The following GATAD2A variants were observed in gnomAD, a reference collection of about 807,000 sequenced individuals.
GATAD2A encodes GATA zinc finger domain containing 2A.
Under a neutral mutation model 68.5 loss-of-function variants are expected in GATAD2A, and 12 were observed. The observed-to-expected ratio is 0.18, with a 90% CI of 0.11 to 0.28. The LOEUF (loss-of-function observed/expected upper bound fraction) is 0.28. Ranked by LOEUF, GATAD2A falls within the 10% of genes least tolerant of loss-of-function variation. The pLI is 1.00. For missense variants in GATAD2A, 755 were observed against 868.5 expected, an observed-to-expected ratio of 0.87 and a Z score of 1.64; for synonymous variants, 410 against 375.3, an observed-to-expected ratio of 1.09 and a Z score of -1.07.
intron 2 of GATAD2A, among the ~76,000 whole-genome samples, chr19:19,480,056 C>G (rs897934208): frequency 1.3e-5 from 2 of 151,986 alleles, no homozygotes; most frequent in Admixed American, 6.6e-5. Context: ...ATCCACCCGC[C>G]TCGGCTCCCA....
intron 2 of GATAD2A, among the ~76,000 whole-genome samples, chr19:19,477,559 G>A (rs988200210): frequency 7.9e-5 from 12 of 152,146 alleles, no homozygotes; most frequent in Non-Finnish European, 1.3e-4. Context: ...ATGGTGCACC[G>A]GGTGCAGGGG....
intron 1 of GATAD2A, among the ~76,000 whole-genome samples, chr19:19,411,392 GA>G (rs1462484362): frequency 2.0e-5 from 3 of 152,234 alleles, no homozygotes; most frequent in Admixed American, 2.0e-4. Context: ...TGTGAGATGG[GA>G]AGCTGTTTGC....
chr19:19,465,112 G>A (rs976251160), intron 1 of GATAD2A: 5 of 589,940 alleles, frequency 8.5e-6, no homozygotes, highest in African/African-American at 5.6e-5. Flanking sequence ...CTCCACCAAT[G>A]TTCAGCCACA....
At chr19:19,424,658 C>CCA (rs1471446183) in intron 1 of GATAD2A, among the ~76,000 whole-genome samples, 6 of 152,148 alleles carry the variant, frequency 3.9e-5, no homozygotes, top group Non-Finnish European at 7.4e-5. Context: ...CAGGCATGAG[C>CCA]CATCATGCCT....
chr19:19,422,772 C>T (rs1294801729), intron 1 of GATAD2A, among the ~76,000 whole-genome samples: 10 of 150,396 alleles, frequency 6.6e-5, no homozygotes, highest in Admixed American at 4.6e-4. Flanking sequence ...AGTGCAGTGA[C>T]GCGATCTTGG....
rs536830128 is a variant in GATAD2A at position 19,453,715 on chromosome 19, C to T, written c.-6-11625C>T. Among the ~76,000 whole-genome samples, 9 of 148,646 alleles carry T rather than the reference C, an allele frequency of 6.1e-5. No individual in the cohort carries two copies. In the South Asian group the frequency reaches 6.4e-4, roughly 11 times the overall value. ...TTTTTGAGACGGAGTCTTGCTCCGTCGCCCAGGCTGGAGCGCAGTGGAGCA... is the reference window on the plus strand; with the variant it reads ...TTTTTGAGACGGAGTCTTGCTCCGTTGCCCAGGCTGGAGCGCAGTGGAGCA... On this transcript the variant is annotated intron_variant, in intron 1 of 11. Transcript: ENST00000683918.
chr19:19,504,657 T>C (rs1322866181), intron 11 of GATAD2A, among the ~76,000 whole-genome samples: 5 of 137,462 alleles, frequency 3.6e-5, no homozygotes, highest in African/African-American at 1.5e-4. Context: ...TTTTTTTTTT[T>C]CTTCTTTTGG....
chr19:19,502,423 G>T lies in GATAD2A; in HGVS notation c.1671G>T (p.Ser557=), dbSNP rs370365800. The change falls in exon 11 of 12, where the codon TCG becomes TCT. Residue 557 remains serine, a synonymous_variant. Coordinates refer to ENST00000683918, the MANE Select transcript of GATAD2A (RefSeq NM_001384528.1). ...SPSPKLQNSA[S]ATALVSRTGR... ...CACCCAAACTGCAGAACTCAGCCTC[G>T]GCCACAGCCCTGGTCAGCAGGACCG... The T allele has an allele frequency of 1.2e-6, 2 of 1,613,746 alleles. No individual in the cohort carries two copies. Among genetic ancestry groups the T allele is most frequent in the South Asian group, 1.1e-5 (1 of 91,082 alleles).
chr19:19,416,204 G>T (rs2051618915), intron 1 of GATAD2A, among the ~76,000 whole-genome samples: 1 of 152,214 alleles, frequency 6.6e-6, no homozygotes, highest in South Asian at 2.1e-4. Flanking sequence ...ACATGGAAAT[G>T]GGAGGAGCCA....
chr19:19,460,102 A>G (rs556482312), intron 1 of GATAD2A, among the ~76,000 whole-genome samples: 2 of 152,234 alleles, frequency 1.3e-5, no homozygotes, highest in South Asian at 2.1e-4. Flanking sequence ...TGGCCCACCT[A>G]TTCTCTCCTT....
rs1018935688 is a variant in GATAD2A, at chr19:19,422,323, T to C, written c.-7+16304T>C. 4.0e-4 allele frequency among the ~76,000 whole-genome samples: 61 copies of C among 152,314 alleles called. No individual in the cohort carries two copies. In the Middle Eastern group the frequency reaches 0.031, roughly 76 times the overall value. Reference sequence around the variant, plus strand: ...TTTGGCCTTTGCTATCTGGCTCCTCTTGGAGCAGGGTTCCCCAGGTGCCAG... The same window carrying C: ...TTTGGCCTTTGCTATCTGGCTCCTCCTGGAGCAGGGTTCCCCAGGTGCCAG... On this transcript the variant is annotated intron_variant, in intron 1 of 11. Transcript: ENST00000683918.
At chr19:19,387,481 G>A (rs1424607524) in intron 1 of GATAD2A, among the ~76,000 whole-genome samples, 5 of 151,986 alleles carry the variant, frequency 3.3e-5, no homozygotes, top group African/African-American at 9.7e-5. Context: ...CACCATGCCT[G>A]GCTAATTTTT....
At position 19,492,710 on chromosome 19, in the gene GATAD2A, A is replaced by G; in HGVS notation, c.532A>G (p.Lys178Glu). Residue 178 changes from lysine to glutamate, a missense_variant and splice_region_variant, in exon 4 of 12, where the codon AAG becomes GAG. Physicochemically the swap from Lys to Glu is moderately conservative, Grantham distance 56. Transcript: ENST00000683918. ...AATACAAAAGGAAGCCACCGCCCAGAAGGTGCGTGCCTGTCTCCCCTCCTT... is the reference window on the plus strand; with the variant it reads ...AATACAAAAGGAAGCCACCGCCCAGGAGGTGCGTGCCTGTCTCCCCTCCTT... The part of the protein sequence containing the change: ...SQIQKEATAQ[K>E]PTGSVGSTVT... 1 of 1,614,094 alleles carries G rather than the reference A, an allele frequency of 6.2e-7. No individual in the cohort carries two copies. The highest frequency in any genetic ancestry group is 8.5e-7 in the Non-Finnish European group (1 of 1,180,006).
chr19:19,412,633 G>T (rs180977918), intron 1 of GATAD2A, among the ~76,000 whole-genome samples: 5 of 151,436 alleles, frequency 3.3e-5, no homozygotes, highest in African/African-American at 9.7e-5. Context: ...CTCTGTCTGC[G>T]GGGGGGATAA....
At chr19:19,413,589 T>G (rs2051222785) in intron 1 of GATAD2A, among the ~76,000 whole-genome samples, 1 of 152,072 alleles carries the variant, frequency 6.6e-6, no homozygotes, top group Non-Finnish European at 1.5e-5. Context: ...TGTTTTTGTT[T>G]TTGTTTTTTT....
intron 1 of GATAD2A, chr19:19,464,599 T>A (rs1600200390): frequency 6.6e-6 from 1 of 152,318 alleles, no homozygotes; most frequent in African/African-American, 2.4e-5. Flanking sequence ...CTGGGAAGGG[T>A]CATGTGGAGC....
At chr19:19,425,076 A>AC (rs1269260803) in intron 1 of GATAD2A, among the ~76,000 whole-genome samples, 3 of 152,242 alleles carry the variant, frequency 2.0e-5, no homozygotes, top group East Asian at 3.9e-4. Context: ...AAAAAAAAAA[A>AC]AAAACCCAAA....
chr19:19,475,568 T>C (rs2079136470), intron 2 of GATAD2A, among the ~76,000 whole-genome samples: 1 of 152,042 alleles, frequency 6.6e-6, no homozygotes, highest in South Asian at 2.1e-4. Context: ...TCTGTCTGCT[T>C]CTGGGCAACT....
In GATAD2A at chr19:19,495,876, G is replaced by C; in HGVS notation, c.747G>C (p.Arg249Ser). 2 of 1,612,720 alleles carry C rather than the reference G, an allele frequency of 1.2e-6. No homozygotes were observed. The highest frequency in any genetic ancestry group is 1.7e-6 in the Non-Finnish European group (2 of 1,179,404). ...SSQVVMPPLVRGAQQIHSIRQ... is the reference protein window; with the variant it reads ...SSQVVMPPLVSGAQQIHSIRQ... ...AGGTCGTCATGCCCCCACTCGTCAG[G>C]GGGGCTCAGGTAAGCAGGGCTGTGC... The change falls in exon 6 of 12, where the codon AGG (arginine) becomes AGC (serine). Residue 249 changes from arginine (R) to serine (S), a missense_variant. By Grantham distance (110) the Arg-to-Ser change is moderately radical. Transcript: ENST00000683918.
Sources: allele counts gnomAD v4.1 joint callset (sites outside exome capture counted in the v4.1 genomes callset), GRCh38; gene constraint gnomAD v4.1.1; transcripts MANE v1.5; gene names NCBI Gene and HGNC (gene_info 2026-07-23, HGNC 2026-07-21).